SLC44A3: variants seen among roughly 807,000 people sequenced by gnomAD.
The protein encoded by SLC44A3 is choline transporter-like protein 3.
Under a neutral mutation model 75.4 loss-of-function variants are expected in SLC44A3, and 74 were observed. That is an observed-to-expected ratio of 0.98 (90% CI 0.81 to 1.19). The LOEUF (loss-of-function observed/expected upper bound fraction) is 1.19, where lower values mean the gene tolerates loss of function less well. Ranked by LOEUF, SLC44A3 falls within the 50% of genes most tolerant of loss-of-function variation. The pLI is 0.00. For synonymous variants in SLC44A3, 310 were observed against 296.9 expected (o/e 1.04, Z -0.45); for missense variants, 700 against 778.6 (o/e 0.90, Z 1.20).
Position 94,892,533 on chromosome 1 carries a change from AT to A in SLC44A3, c.1857+19del. 6.2e-7 allele frequency: 1 copy of A among 1,610,026 alleles called. No homozygotes were observed. The highest frequency in any genetic ancestry group is 8.5e-7 in the Non-Finnish European group (1 of 1,176,652). On this transcript the variant is annotated intron_variant, in intron 14 of 14. Coordinates refer to ENST00000271227, the MANE Select transcript of SLC44A3 (RefSeq NM_001114106.3). Reference sequence around the variant, plus strand: ...AGAATTTCTGGTAAGCAAACATTTCATTTCCAATTGCAATCTCCATGCTCGC... The same window carrying A: ...AGAATTTCTGGTAAGCAAACATTTCATTCCAATTGCAATCTCCATGCTCGC...
At position 94,837,773 on chromosome 1, in the gene SLC44A3, C is replaced by T. The variant is rs1163774801; in HGVS notation, c.572C>T (p.Ala191Val). The change falls in exon 6 of 15, where the codon GCA becomes GTA. Residue 191 changes from alanine to valine, a missense_variant. Physicochemically the swap from Ala to Val is moderately conservative, Grantham distance 64. Coordinates refer to ENST00000271227, the MANE Select transcript of SLC44A3 (RefSeq NM_001114106.3). ...PQTPECYSLF[A>V]SVLINDVDTL... is the part of the protein sequence containing the mutation. ...ACACCTGAGTGCTACTCCCTATTTGCATCTGTTTTGATAAATGATGTTGAC... is the reference window on the plus strand; with the variant it reads ...ACACCTGAGTGCTACTCCCTATTTGTATCTGTTTTGATAAATGATGTTGAC... 2 of 1,611,952 alleles carry T rather than the reference C, an allele frequency of 1.2e-6. No homozygotes were observed. Among genetic ancestry groups the T allele is most frequent in the Non-Finnish European group, 8.5e-7 (1 of 1,179,252 alleles).
chr1:94,859,733 C>T (rs2101326900), intron 10 of SLC44A3, among the ~76,000 whole-genome samples: 1 of 152,244 alleles, frequency 6.6e-6, no homozygotes, highest in South Asian at 2.1e-4. Context: ...GTACTGAAAG[C>T]AGGGGGAGTA....
intron 5 of SLC44A3, among the ~76,000 whole-genome samples, chr1:94,830,600 C>A (rs1267569556): frequency 6.6e-6 from 1 of 152,006 alleles, no homozygotes; most frequent in Admixed American, 6.5e-5. Context: ...ATAAACACAT[C>A]TTAATGAAAC....
intron 9 of SLC44A3, among the ~76,000 whole-genome samples, chr1:94,851,480 C>T (rs1665208785): frequency 6.6e-6 from 1 of 152,140 alleles, no homozygotes; most frequent in Non-Finnish European, 1.5e-5. Flanking sequence ...TATTGTCATC[C>T]CACAAGAGGA....
In SLC44A3 at chr1:94,890,541, G is replaced by C. The variant is rs1215187759; in HGVS notation, c.1483-589G>C. ...TGAGGCTGAATTGAGTATGAATCCT[G>C]AATTTGTTGAAGGAGCTCACTTCCC... On this transcript the variant is annotated intron_variant, in intron 12 of 14. Coordinates refer to ENST00000271227, the MANE Select transcript of SLC44A3 (RefSeq NM_001114106.3). 3.9e-5 allele frequency among the ~76,000 whole-genome samples: 6 copies of C among 152,186 alleles called. No homozygotes were observed. The East Asian group carries it at 9.6e-4, about 24-fold the overall frequency.
intron 6 of SLC44A3, among the ~76,000 whole-genome samples, chr1:94,838,621 A>G (rs531238500): frequency 4.5e-4 from 69 of 152,236 alleles, no homozygotes; most frequent in Non-Finnish European, 9.0e-4. Flanking sequence ...TATTTCTAAC[A>G]GTTAACAAAT....
intron 14 of SLC44A3, among the ~76,000 whole-genome samples, chr1:94,893,528 GCAC>G (rs1038932575): frequency 6.6e-6 from 1 of 151,898 alleles, no homozygotes; most frequent in Non-Finnish European, 1.5e-5. Context: ...TTACAGGCGT[GCAC>G]CACCACGCCT....
chr1:94,857,286 A>G, intron 9 of SLC44A3, 49 bp from the exon 10 acceptor site: 5 of 1,514,688 alleles, frequency 3.3e-6, no homozygotes, highest in Non-Finnish European at 4.4e-6. Context: ...ACCATGGTTC[A>G]TGCTTAGGAA....
intron 12 of SLC44A3, among the ~76,000 whole-genome samples, chr1:94,881,196 A>C (rs1241426297): frequency 6.6e-6 from 1 of 152,304 alleles, no homozygotes; most frequent in East Asian, 1.9e-4. Flanking sequence ...GTCTGTCACC[A>C]GGCCTTCACC....
intron 9 of SLC44A3, among the ~76,000 whole-genome samples, chr1:94,852,681 G>A (rs1029788621): frequency 4.6e-5 from 7 of 152,136 alleles, no homozygotes; most frequent in Non-Finnish European, 8.8e-5. Flanking sequence ...AGAGGATGGT[G>A]GCTTGGAATA....
chr1:94,850,837 C>T (rs993784212), intron 9 of SLC44A3, among the ~76,000 whole-genome samples: 2 of 152,122 alleles, frequency 1.3e-5, no homozygotes, highest in Admixed American at 6.6e-5. Context: ...TTCTCTGGCA[C>T]ATTCAATAAC....
intron 2 of SLC44A3, among the ~76,000 whole-genome samples, chr1:94,821,320 C>T (rs556592328): frequency 9.7e-4 from 148 of 152,246 alleles, no homozygotes; most frequent in African/African-American, 3.3e-3. Flanking sequence ...TTTAGTAAGG[C>T]CAATGTGTCT....
chr1:94,891,316 C>A (rs1341581029), intron 13 of SLC44A3, 49 bp downstream of exon 13: 14 of 1,548,332 alleles, frequency 9.0e-6, no homozygotes, highest in Non-Finnish European at 1.2e-5. Flanking sequence ...GAAAATTAAG[C>A]CATACAACAA....
chr1:94,820,586 G>T, intron 1 of SLC44A3, 108 bp downstream of exon 1: 1 of 1,426,362 alleles, frequency 7.0e-7, no homozygotes, highest in South Asian at 1.4e-5. Context: ...CCCGCGCCTC[G>T]GGGATCCCGC....
Position 94,827,576 on chromosome 1 carries a change from T to G in SLC44A3, c.348T>G (p.Cys116Trp), listed in dbSNP as rs201620365. The G allele has an allele frequency of 6.2e-7, 1 of 1,614,210 alleles. No homozygotes were observed. The highest frequency in any genetic ancestry group is 1.3e-5 in the African/African-American group (1 of 75,056). Residue 116 changes from cysteine to tryptophan, a missense_variant, in exon 4 of 15, where the codon TGT (cysteine) becomes TGG (tryptophan). Transcript: ENST00000271227. Reference protein sequence around the residue: ...KGTQLNRMALCVSNCPEEQLD... With the variant: ...KGTQLNRMALWVSNCPEEQLD... ...CGCAGCTCAACCGCATGGCCCTCTG[T>G]GTATCCAACTGCCCTGAAGAGCAGC...
chr1:94,849,603 T>TGATC (rs1664931804), intron 9 of SLC44A3, among the ~76,000 whole-genome samples: 1 of 152,170 alleles, frequency 6.6e-6, no homozygotes, highest in African/African-American at 2.4e-5. Flanking sequence ...AGGCGCCAGG[T>TGATC]GATCGGGTGG....
At position 94,864,909 on chromosome 1, in the gene SLC44A3, C is replaced by T; in HGVS notation, c.1395+10C>T. On this transcript the variant is annotated intron_variant, in intron 11 of 14. Transcript: ENST00000271227. ...CGCACTGAAAGAACAGGTAAGGCTA[C>T]CTCCTGATACACAGCACGTTCTGTG... 6.2e-7 allele frequency: 1 copy of T among 1,612,394 alleles called. No individual in the cohort carries two copies. The highest frequency in any genetic ancestry group is 8.5e-7 in the Non-Finnish European group (1 of 1,179,308).
chr1:94,832,216 C>T (rs559307585), intron 5 of SLC44A3, among the ~76,000 whole-genome samples: 1 of 152,114 alleles, frequency 6.6e-6, no homozygotes, highest in South Asian at 2.1e-4. Context: ...CTCTAAATCT[C>T]GAAAGGCGTA....
At chr1:94,889,800 G>A (rs1368517411) in intron 12 of SLC44A3, among the ~76,000 whole-genome samples, 1 of 151,876 alleles carries the variant, frequency 6.6e-6, no homozygotes, top group East Asian at 1.9e-4. Flanking sequence ...AAAGAAAAAA[G>A]CCAGATATAT....
Sources: allele counts gnomAD v4.1 joint callset (sites outside exome capture counted in the v4.1 genomes callset), GRCh38; gene constraint gnomAD v4.1.1; transcripts MANE v1.5; gene names NCBI Gene and HGNC (gene_info 2026-07-23, HGNC 2026-07-21).